THSD7B: variants seen among roughly 807,000 people sequenced by gnomAD.
The protein encoded by THSD7B is thrombospondin type-1 domain-containing protein 7B.
A neutral mutation model predicts 213.6 loss-of-function variants in THSD7B; 138 were observed. The observed-to-expected ratio is 0.65, with a 90% CI of 0.56 to 0.74. The LOEUF (loss-of-function observed/expected upper bound fraction) is 0.74. Ranked by LOEUF, THSD7B falls within the 30% of genes least tolerant of loss-of-function variation. The pLI is 0.00. For synonymous variants in THSD7B, 742 were observed against 687.0 expected, an observed-to-expected ratio of 1.08 and a Z score of -1.25; for missense variants, 1,931 against 1,991.5, an observed-to-expected ratio of 0.97 and a Z score of 0.58.
At chr2:136,796,829 G>T (rs1452583395) in intron 1 of THSD7B, among the ~76,000 whole-genome samples, 1 of 151,842 alleles carries the variant, frequency 6.6e-6, no homozygotes, top group Non-Finnish European at 1.5e-5. Context: ...TTAAAGACTT[G>T]TGTTTTTTAA....
chr2:137,314,748 C>A (rs1291854357), intron 12 of THSD7B, among the ~76,000 whole-genome samples: 1 of 152,238 alleles, frequency 6.6e-6, no homozygotes, highest in African/African-American at 2.4e-5. Context: ...AGCTGCAGGT[C>A]TGTTGGAGTA....
chr2:136,976,722 C>T (rs904728170), intron 2 of THSD7B, among the ~76,000 whole-genome samples: 2 of 151,846 alleles, frequency 1.3e-5, no homozygotes, highest in African/African-American at 2.4e-5. Flanking sequence ...CCCAGGTTCA[C>T]GCCATTCTCC....
intron 2 of THSD7B, among the ~76,000 whole-genome samples, chr2:137,014,762 C>A (rs1281496747): frequency 6.6e-6 from 1 of 152,170 alleles, no homozygotes; most frequent in Admixed American, 6.6e-5. Context: ...AGTCAGACCT[C>A]CGTTTTCCTC....
intron 10 of THSD7B, among the ~76,000 whole-genome samples, chr2:137,250,140 G>A (rs1316806370): frequency 1.3e-5 from 2 of 152,266 alleles, no homozygotes; most frequent in East Asian, 1.9e-4. Context: ...CCAGTGAAAG[G>A]CTATAACTTC....
At chr2:137,313,072 C>T (rs973257630) in intron 12 of THSD7B, among the ~76,000 whole-genome samples, 1 of 151,468 alleles carries the variant, frequency 6.6e-6, no homozygotes, top group African/African-American at 2.4e-5. Flanking sequence ...TGTTGACTTT[C>T]TGTCTCATTG....
chr2:137,350,878 G>A (rs1398495242), intron 12 of THSD7B, among the ~76,000 whole-genome samples: 1 of 151,892 alleles, frequency 6.6e-6, no homozygotes, highest in Non-Finnish European at 1.5e-5. Flanking sequence ...GTTTCTGGTT[G>A]AGCACAGCAT....
intron 3 of THSD7B, among the ~76,000 whole-genome samples, chr2:137,070,544 AT>A (rs1687461493): frequency 6.7e-6 from 1 of 149,692 alleles, no homozygotes; most frequent in Non-Finnish European, 1.5e-5. Context: ...CTTTTTTAAA[AT>A]TTTTTATTTT....
At chr2:137,131,947 T>C (rs1558932507) in intron 5 of THSD7B, among the ~76,000 whole-genome samples, 1 of 151,600 alleles carries the variant, frequency 6.6e-6, no homozygotes, top group Non-Finnish European at 1.5e-5. Context: ...GGGGATGGCA[T>C]TGAATCTGTA....
At chr2:137,076,001 G>A (rs1323656174) in intron 3 of THSD7B, among the ~76,000 whole-genome samples, 1 of 152,166 alleles carries the variant, frequency 6.6e-6, no homozygotes, top group African/African-American at 2.4e-5. Context: ...CCCCTACTGG[G>A]GGGTGCCTCC....
intron 4 of THSD7B, among the ~76,000 whole-genome samples, chr2:137,097,994 G>T (rs1055179567): frequency 1.3e-5 from 2 of 152,120 alleles, no homozygotes; most frequent in Admixed American, 6.5e-5. Context: ...CTGGACTGTG[G>T]TCTCTACCAT....
At chr2:136,897,961 G>A (rs538786126) in intron 2 of THSD7B, among the ~76,000 whole-genome samples, 3 of 152,208 alleles carry the variant, frequency 2.0e-5, no homozygotes, top group African/African-American at 7.2e-5. Flanking sequence ...TTTTTACAGA[G>A]TGCTGATTGG....
At chr2:137,546,455 TTA>T (rs1205451610) in intron 15 of THSD7B, among the ~76,000 whole-genome samples, 2 of 19,700 alleles carry the variant, frequency 1.0e-4, no homozygotes, top group East Asian at 2.0e-3. Context: ...TATATATATA[TTA>T]TATATAATAT....
At chr2:137,320,179 T>A (rs900578344) in intron 12 of THSD7B, among the ~76,000 whole-genome samples, 2 of 152,222 alleles carry the variant, frequency 1.3e-5, no homozygotes, top group Non-Finnish European at 2.9e-5. Context: ...CTGATTAGAC[T>A]TTTTTCTTTT....
At chr2:137,676,412 G>T in intron 27 of THSD7B, 112 bp from the exon 28 acceptor site, 5 of 964,786 alleles carry the variant, frequency 5.2e-6, no homozygotes, top group Non-Finnish European at 6.2e-6. Flanking sequence ...CTAGAGAAAT[G>T]AATCTTTTTG....
intron 17 of THSD7B, among the ~76,000 whole-genome samples, chr2:137,603,838 C>T (rs936600693): frequency 2.6e-5 from 4 of 152,266 alleles, no homozygotes; most frequent in Non-Finnish European, 5.9e-5. Context: ...TGGCCAGGCA[C>T]GGTGGCTCAT....
chr2:137,170,913 G>A lies in THSD7B; in HGVS notation c.1698G>A (p.Leu566=). The part of the protein sequence containing the change: ...HGKCGLGHRI[L]KAVCQNDRGE... ...AATGTGGCCTGGGACATCGTATTCT[G>A]AAGGCCGTCTGCCAGAATGACCGCG... The change falls in exon 7 of 28, where the codon CTG becomes CTA. Residue 566 remains leucine, a synonymous_variant. Coordinates refer to ENST00000409968, the MANE Select transcript of THSD7B (RefSeq NM_001316349.2). 1 of 1,612,894 alleles carries A rather than the reference G, an allele frequency of 6.2e-7. No homozygotes were observed. Among genetic ancestry groups the A allele is most frequent in the South Asian group, 1.1e-5 (1 of 91,022 alleles).
At chr2:136,781,854 G>A (rs1681749229) in intron 1 of THSD7B, among the ~76,000 whole-genome samples, 1 of 152,056 alleles carries the variant, frequency 6.6e-6, no homozygotes, top group Non-Finnish European at 1.5e-5. Flanking sequence ...TCCTAGATGT[G>A]GAGAAATAAC....
chr2:136,840,062 A>G (rs1682899875), intron 1 of THSD7B, among the ~76,000 whole-genome samples: 1 of 152,186 alleles, frequency 6.6e-6, no homozygotes, highest in Admixed American at 6.5e-5. Flanking sequence ...GATTGATAGC[A>G]TATAACTGAG....
intron 10 of THSD7B, among the ~76,000 whole-genome samples, chr2:137,263,472 G>A (rs1003786886): frequency 5.9e-5 from 9 of 152,108 alleles, no homozygotes; most frequent in African/African-American, 2.2e-4. Context: ...TTAGAAATCA[G>A]AGCCCTGAAG....
Sources: allele counts gnomAD v4.1 joint callset (sites outside exome capture counted in the v4.1 genomes callset), GRCh38; gene constraint gnomAD v4.1.1; transcripts MANE v1.5; gene names NCBI Gene and HGNC (gene_info 2026-07-23, HGNC 2026-07-21).